TNFRSF19: variants seen among roughly 807,000 people sequenced by gnomAD.
TNFRSF19 encodes the protein tumor necrosis factor receptor superfamily member 19.
In TNFRSF19, 27 loss-of-function variants were observed where a neutral mutation model predicts 46.4. The ratio of observed to expected loss-of-function variants is 0.58; its 90% CI spans 0.43 to 0.80. The LOEUF (loss-of-function observed/expected upper bound fraction) is 0.80. Among genes scored for constraint, TNFRSF19 ranks in the 30% least tolerant of loss-of-function variants. The pLI is 0.00. For missense variants in TNFRSF19, 511 were observed against 530.8 expected, an observed-to-expected ratio of 0.96 and a Z score of 0.37; for synonymous variants, 204 against 205.0, an observed-to-expected ratio of 1.00 and a Z score of 0.04.
chr13:23,656,606 T>C (rs1215224746), intron 5 of TNFRSF19, among the ~76,000 whole-genome samples: 2 of 152,354 alleles, frequency 1.3e-5, no homozygotes, highest in East Asian at 1.9e-4. Flanking sequence ...TCAAATCATG[T>C]ATTAAGCTTC....
chr13:23,575,148 A>C (rs896677433), intron 1 of TNFRSF19, among the ~76,000 whole-genome samples: 1 of 152,162 alleles, frequency 6.6e-6, no homozygotes, highest in Non-Finnish European at 1.5e-5. Flanking sequence ...CGGGGAGTCC[A>C]CCATGTTCAT....
chr13:23,597,556 A>G (rs1010707267), intron 3 of TNFRSF19, among the ~76,000 whole-genome samples: 7 of 152,140 alleles, frequency 4.6e-5, no homozygotes, highest in Admixed American at 4.6e-4. Context: ...GGAAGAAGTT[A>G]AATCCCTGAA....
intron 5 of TNFRSF19, among the ~76,000 whole-genome samples, chr13:23,649,633 G>A (rs747889154): frequency 4.6e-5 from 7 of 151,922 alleles, no homozygotes; most frequent in Non-Finnish European, 1.0e-4. Context: ...TTTTAAAGTG[G>A]AAGGTAAAGT....
intron 7 of TNFRSF19, among the ~76,000 whole-genome samples, chr13:23,663,494 C>G (rs975437416): frequency 6.6e-6 from 1 of 152,100 alleles, no homozygotes; most frequent in African/African-American, 2.4e-5. Flanking sequence ...TGTTGTATCT[C>G]TGCCAAATTT....
intron 3 of TNFRSF19, among the ~76,000 whole-genome samples, chr13:23,615,383 A>T (rs1432918199): frequency 6.6e-6 from 1 of 152,194 alleles, no homozygotes; most frequent in Admixed American, 6.5e-5. Context: ...TATTTCAAGG[A>T]GCTCTCCATT....
intron 3 of TNFRSF19, among the ~76,000 whole-genome samples, chr13:23,597,324 A>T (rs1405050664): frequency 6.6e-6 from 1 of 152,240 alleles, no homozygotes; most frequent in East Asian, 1.9e-4. Context: ...TTTTTAAAAG[A>T]TTAACAAAAT....
intron 9 of TNFRSF19, 99 bp downstream of exon 9, chr13:23,669,196 T>C: frequency 6.8e-7 from 1 of 1,459,952 alleles, no homozygotes; most frequent in South Asian, 1.5e-5. Context: ...GATGAGTTTT[T>C]TTTTTGCATC....
chr13:23,586,017 T>A (rs1201133440), intron 1 of TNFRSF19, among the ~76,000 whole-genome samples: 9 of 152,076 alleles, frequency 5.9e-5, no homozygotes, highest in African/African-American at 2.2e-4. Flanking sequence ...ACGCCTGTAA[T>A]CCCAGCACTT....
Position 23,660,035 on chromosome 13 carries a change from A to T in TNFRSF19, c.611-330A>T, listed in dbSNP as rs1022653469. Among the ~76,000 whole-genome samples the T allele has an allele frequency of 1.9e-4, 29 of 152,082 alleles. 1 individual carries two copies. The highest frequency in any genetic ancestry group is 7.0e-4 in the African/African-American group (29 of 41,392). Reference sequence around the variant, plus strand: ...CAGAGGCTGAAGAAAATCTGTGTATAAGTGACCTGCGCAGTTCAAACCCGT... The same window carrying T: ...CAGAGGCTGAAGAAAATCTGTGTATTAGTGACCTGCGCAGTTCAAACCCGT... On this transcript the variant is annotated intron_variant, in intron 6 of 9. Coordinates refer to ENST00000248484, the MANE Select transcript of TNFRSF19 (RefSeq NM_148957.4).
chr13:23,634,785 G>A (rs954754283), intron 5 of TNFRSF19, among the ~76,000 whole-genome samples: 2 of 152,174 alleles, frequency 1.3e-5, no homozygotes, highest in Admixed American at 6.5e-5. Flanking sequence ...GGCCTGCACC[G>A]TGTGGGAAAA....
At chr13:23,582,224 CAAAAAAAAAAAAAA>C (rs746493689) in intron 1 of TNFRSF19, among the ~76,000 whole-genome samples, 2,405 of 98,102 alleles carry the variant, frequency 0.025, 81 homozygotes, top group African/African-American at 0.083. Context: ...ACTACAAATA[CAAAAAAAAAAAAAA>C]AAAAAAAAAA....
At chr13:23,667,366 C>T (rs1951657757) in intron 7 of TNFRSF19, among the ~76,000 whole-genome samples, 1 of 152,048 alleles carries the variant, frequency 6.6e-6, no homozygotes, top group African/African-American at 2.4e-5. Context: ...AAGTGACATT[C>T]CTAGCAATAA....
intron 3 of TNFRSF19, 133 bp from the exon 4 acceptor site, chr13:23,615,734 A>G (rs1881232408): frequency 2.4e-6 from 2 of 843,716 alleles, no homozygotes. Context: ...AACTTGCTGA[A>G]AGAGCTGCCT....
intron 3 of TNFRSF19, among the ~76,000 whole-genome samples, chr13:23,607,215 C>T (rs543471833): frequency 9.1e-4 from 139 of 152,250 alleles, no homozygotes; most frequent in African/African-American, 3.2e-3. Flanking sequence ...AGGTGGATTG[C>T]CTGAGGTCAG....
intron 3 of TNFRSF19, among the ~76,000 whole-genome samples, chr13:23,611,340 G>A (rs779668126): frequency 6.6e-6 from 1 of 152,220 alleles, no homozygotes; most frequent in Non-Finnish European, 1.5e-5. Context: ...TAGCCAAGGA[G>A]CAGGCTGGGT....
At position 23,675,970 on chromosome 13, in the gene TNFRSF19, A is replaced by G. The variant is rs1951824477; in HGVS notation, c.*2590A>G. On this transcript the variant is annotated 3_prime_UTR_variant, in exon 10 of 10. Transcript: ENST00000248484. ...AACCATCATTGCTTTATAGTAGCTTATATCAATTTAGATTTCATCATTACT... is the reference window on the plus strand; with the variant it reads ...AACCATCATTGCTTTATAGTAGCTTGTATCAATTTAGATTTCATCATTACT... 6.6e-6 allele frequency: 1 copy of G among 152,232 alleles called. No individual in the cohort carries two copies. The highest frequency in any genetic ancestry group is 1.5e-5 in the Non-Finnish European group (1 of 68,038). The allele number at this position is 152,232 out of a possible 1,614,324, so 9.4% of individuals were successfully genotyped here. A position where few individuals can be genotyped will look rare whatever the true frequency, so the allele number is the denominator to read the frequency against.
At chr13:23,648,813 G>C (rs1396521622) in intron 5 of TNFRSF19, among the ~76,000 whole-genome samples, 1 of 152,024 alleles carries the variant, frequency 6.6e-6, no homozygotes, top group African/African-American at 2.4e-5. Flanking sequence ...TTTGTCAAAG[G>C]CTTTATCAGC....
chr13:23,593,606 C>T, intron 3 of TNFRSF19, 151 bp downstream of exon 3: 2 of 628,504 alleles, frequency 3.2e-6, no homozygotes, highest in Non-Finnish European at 5.5e-6. Context: ...TCATACAATT[C>T]CTTTTTTAAT....
chr13:23,575,131 C>G (rs1173263521), intron 1 of TNFRSF19, among the ~76,000 whole-genome samples: 1 of 152,156 alleles, frequency 6.6e-6, no homozygotes, highest in African/African-American at 2.4e-5. Context: ...TCAAGCCAGC[C>G]CTAGGTCGGG....
Sources: allele counts gnomAD v4.1 joint callset (sites outside exome capture counted in the v4.1 genomes callset), GRCh38; gene constraint gnomAD v4.1.1; transcripts MANE v1.5; gene names NCBI Gene and HGNC (gene_info 2026-07-23, HGNC 2026-07-21).